Variants in COG5 observed in about 807,000 individuals in gnomAD.
The protein encoded by COG5 is component of oligomeric golgi complex 5, also known as conserved oligomeric Golgi complex subunit 5.
Under a neutral mutation model 110.4 loss-of-function variants are expected in COG5, and 86 were observed. The ratio of observed to expected loss-of-function variants is 0.78; its 90% CI spans 0.65 to 0.93. The LOEUF (loss-of-function observed/expected upper bound fraction) is 0.93, where lower values mean the gene tolerates loss of function less well. COG5 is among the 40% of genes least tolerant of loss of function. The pLI, the probability that COG5 is intolerant of heterozygous loss-of-function variation, is 0.00. For synonymous variants in COG5, 360 were observed against 334.6 expected (o/e 1.08, Z -0.83); for missense variants, 1,077 against 987.0 (o/e 1.09, Z -1.22).
intron 14 of COG5, among the ~76,000 whole-genome samples, chr7:107,278,501 A>G (rs1029693115): frequency 6.6e-6 from 1 of 151,940 alleles, no homozygotes; most frequent in Non-Finnish European, 1.5e-5. Flanking sequence ...ACTCCCACTT[A>G]TGGGTGAGAA....
intron 2 of COG5, 138 bp from the exon 3 acceptor site, chr7:107,554,480 GGT>G (rs1803154109): frequency 2.7e-6 from 2 of 747,274 alleles, no homozygotes; most frequent in Non-Finnish European, 4.7e-6. Flanking sequence ...AGGTTTTTAA[GGT>G]GTGTCTGAGA....
chr7:107,506,001 G>A (rs1467956202), intron 6 of COG5, among the ~76,000 whole-genome samples: 1 of 152,208 alleles, frequency 6.6e-6, no homozygotes, highest in Non-Finnish European at 1.5e-5. Context: ...GACACAGACT[G>A]TGAGATTCCT....
rs1197458283 is a variant in COG5, at chr7:107,561,984, AAAAG to A, written c.94+1815_94+1818del. ...GCGCGAGACTCCGTCTCAAAAAAAA[AAAAG>A]AAAGAAAGAAAGAAAGGAGCAGAGG... is the stretch of plus-strand genomic sequence containing the variant. On this transcript the variant is annotated intron_variant, in intron 1 of 21. Coordinates refer to ENST00000297135, the MANE Select transcript of COG5 (RefSeq NM_006348.5). 3.3e-4 allele frequency among the ~76,000 whole-genome samples: 50 copies of A among 152,232 alleles called. No homozygotes were observed. The Middle Eastern group carries it at 0.01, about 31-fold the overall frequency.
chr7:107,363,698 TGTAATCCCAGAACTTTGAGA>T (rs1813338751), intron 8 of COG5, among the ~76,000 whole-genome samples: 2 of 152,160 alleles, frequency 1.3e-5, no homozygotes, highest in East Asian at 3.8e-4. Context: ...GGCTCATGCA[TGTAATCCCAGAACTTTGAGA>T]GGCCAAGGTG....
At chr7:107,334,579 C>G (rs998024381) in intron 10 of COG5, among the ~76,000 whole-genome samples, 1 of 151,982 alleles carries the variant, frequency 6.6e-6, no homozygotes, top group African/African-American at 2.4e-5. Context: ...TACAATTGGT[C>G]TGGCAACAGA....
At chr7:107,411,873 A>G (rs915702041) in intron 7 of COG5, among the ~76,000 whole-genome samples, 1 of 152,186 alleles carries the variant, frequency 6.6e-6, no homozygotes, top group Non-Finnish European at 1.5e-5. Flanking sequence ...ATATCTGGGT[A>G]TAATACAAGG....
At chr7:107,492,106 T>C (rs1193071044) in intron 6 of COG5, among the ~76,000 whole-genome samples, 1 of 151,970 alleles carries the variant, frequency 6.6e-6, no homozygotes, top group Non-Finnish European at 1.5e-5. Flanking sequence ...CTTACAATTC[T>C]GGCACTTTTC....
chr7:107,308,919 G>C (rs1159101284), intron 11 of COG5, among the ~76,000 whole-genome samples: 1 of 141,636 alleles, frequency 7.1e-6, no homozygotes, highest in Non-Finnish European at 1.5e-5. Context: ...ATATCTCCTT[G>C]GCTTTCTAAT....
intron 17 of COG5, among the ~76,000 whole-genome samples, chr7:107,245,487 CCTTCAGCTGATAAACAA>C (rs1414248753): frequency 6.6e-6 from 1 of 152,146 alleles, no homozygotes; most frequent in Admixed American, 6.5e-5. Context: ...CCCAAAAGCT[CCTTCAGCTGATAAACAA>C]CTTCAGCAAA....
At chr7:107,293,971 C>G (rs963138859) in intron 12 of COG5, among the ~76,000 whole-genome samples, 3 of 152,062 alleles carry the variant, frequency 2.0e-5, no homozygotes, top group African/African-American at 7.2e-5. Context: ...GCTCGGGAGG[C>G]TGAGGTGGGA....
chr7:107,384,413 G>A (rs1815392806), intron 7 of COG5, among the ~76,000 whole-genome samples: 1 of 152,128 alleles, frequency 6.6e-6, no homozygotes, highest in Non-Finnish European at 1.5e-5. Context: ...TTTGCAGCAG[G>A]GAGGAGCCTG....
chr7:107,209,936 T>C, intron 21 of COG5: 4 of 987,194 alleles, frequency 4.1e-6, no homozygotes, highest in Non-Finnish European at 4.8e-6. Context: ...GGGAAGAGTG[T>C]TGCTTAATAA....
intron 1 of COG5, among the ~76,000 whole-genome samples, chr7:107,562,203 G>A (rs1803862342): frequency 6.6e-6 from 1 of 152,176 alleles, no homozygotes; most frequent in South Asian, 2.1e-4. Flanking sequence ...AAAGGGTAAA[G>A]AAGATTTAAA....
At chr7:107,242,239 G>C (rs1004381440) in intron 17 of COG5, among the ~76,000 whole-genome samples, 1 of 152,158 alleles carries the variant, frequency 6.6e-6, no homozygotes, top group Non-Finnish European at 1.5e-5. Context: ...CAACCTGACC[G>C]ACAGAGAATG....
In COG5 at chr7:107,256,786, G is replaced by A. The variant is rs1423344116; in HGVS notation, c.1695C>T (p.Ser565=). 3 of 1,609,606 alleles carry A rather than the reference G, an allele frequency of 1.9e-6. No homozygotes were observed. The highest frequency in any genetic ancestry group is 1.7e-6 in the Non-Finnish European group (2 of 1,176,876). Residue 565 remains serine (S), a synonymous_variant, in exon 16 of 22, where the codon TCC becomes TCT. Coordinates refer to ENST00000297135, the MANE Select transcript of COG5 (RefSeq NM_006348.5). ...KLHQSVTKVV[S]SQSSFPLAAE... ...CTGCCAGTGGGAATGAGCTCTGACT[G>A]GAAACAACCTAGAACAAGGTTTTGA...
chr7:107,428,812 C>G (rs1285578194), intron 6 of COG5, among the ~76,000 whole-genome samples: 2 of 152,162 alleles, frequency 1.3e-5, no homozygotes, highest in African/African-American at 4.8e-5. Context: ...GCAGGATGAG[C>G]TGTTTAATCT....
At chr7:107,384,103 G>A (rs1271949131) in intron 7 of COG5, among the ~76,000 whole-genome samples, 1 of 152,236 alleles carries the variant, frequency 6.6e-6, no homozygotes, top group East Asian at 1.9e-4. Context: ...TGGTTTGTCT[G>A]TTCTTGCCTT....
intron 6 of COG5, among the ~76,000 whole-genome samples, chr7:107,464,144 G>C (rs957603042): frequency 6.6e-6 from 1 of 152,178 alleles, no homozygotes; most frequent in Admixed American, 6.5e-5. Flanking sequence ...CTATGTACCA[G>C]TCAGCAAGAC....
intron 6 of COG5, among the ~76,000 whole-genome samples, chr7:107,439,360 G>A (rs569040915): frequency 6.6e-6 from 1 of 151,998 alleles, no homozygotes; most frequent in East Asian, 1.9e-4. Flanking sequence ...AAATTCCTCA[G>A]GTAAGTTGTC....
Sources: allele counts gnomAD v4.1 joint callset (sites outside exome capture counted in the v4.1 genomes callset), GRCh38; gene constraint gnomAD v4.1.1; transcripts MANE v1.5; gene names NCBI Gene and HGNC (gene_info 2026-07-23, HGNC 2026-07-21).